REN: variants seen among roughly 807,000 people sequenced by gnomAD.
REN encodes renin.
Under a neutral mutation model 48.6 loss-of-function variants are expected in REN, and 42 were observed. The observed-to-expected ratio is 0.86, with a 90% CI of 0.68 to 1.12. The LOEUF (loss-of-function observed/expected upper bound fraction) is 1.12. Among genes scored for constraint, REN ranks in the 50% most tolerant of loss-of-function variants. The pLI is 0.00. For missense variants in REN, 443 were observed against 527.3 expected (o/e 0.84, Z 1.57); for synonymous variants, 196 against 204.6 (o/e 0.96, Z 0.36).
At position 204,162,058 on chromosome 1, in the gene REN, T is replaced by G. The variant is rs5705; in HGVS notation, c.204A>C (p.Thr68=). 0.13 allele frequency: 214,373 copies of G among 1,613,772 alleles called. 16,050 individuals are homozygous for G. The highest frequency in any genetic ancestry group is 0.32 in the African/African-American group (23,772 of 74,920). ...PEWSQPMKRL[T]LGNTTSSVIL... ...TCACGGAGGAGGTGGTGTTGCCAAG[T>G]GTCAGCCTCTTCATGGGTTGGCTCC... The change falls in exon 2 of 10, where the codon ACA becomes ACC. Residue 68 remains threonine, a synonymous_variant. Transcript: ENST00000272190.
chr1:204,164,565 CTTTTTTTT>C (rs748060874), intron 1 of REN, among the ~76,000 whole-genome samples: 2 of 93,714 alleles, frequency 2.1e-5, no homozygotes, highest in African/African-American at 4.5e-5. Context: ...CTTCTTCAGT[CTTTTTTTT>C]TTTTTTTTTT....
chr1:204,155,188 G>C lies in REN; in HGVS notation c.1060-11C>G, dbSNP rs765571622. 8.1e-6 allele frequency: 13 copies of C among 1,613,888 alleles called. No individual in the cohort carries two copies. In the African/African-American group the frequency reaches 1.1e-4, roughly 13 times the overall value. ...ACTACTGTAGGATTCCTGGCAGGAA[G>C]GGGGAGAGTTTCTCCATACCCAGCA... On this transcript the variant is annotated splice_polypyrimidine_tract_variant and intron_variant, in intron 9 of 9. Coordinates refer to ENST00000272190, the MANE Select transcript of REN (RefSeq NM_000537.4).
rs144517174 is a variant in REN, at chr1:204,155,901, G to A, written c.978C>T (p.Asn326=). The A allele has an allele frequency of 4.6e-5, 74 of 1,613,558 alleles. No homozygotes were observed. Among genetic ancestry groups the A allele is most frequent in the South Asian group, 6.6e-5 (6 of 91,050 alleles). The change falls in exon 9 of 10, where the codon AAC becomes AAT. Residue 326 remains asparagine, a synonymous_variant. Transcript: ENST00000272190. ...AGATGTCGGGGAGTGTAGGGCCCTC[G>A]TTACACTTCACGACATACTGGGGTG... ...KRLFDYVVKC[N]EGPTLPDISF...
chr1:204,156,632 A>G lies in REN; in HGVS notation c.818+45T>C. ...TTCCCCACCCTCCCCAACCCCAGTG[A>G]CGGCAGCATTTTTTGGAGCCCGGGG... On this transcript the variant is annotated intron_variant, in intron 7 of 9. Coordinates refer to ENST00000272190, the MANE Select transcript of REN (RefSeq NM_000537.4). This position sits in a 1 kb window ranked among gnomAD's most constrained non-coding sequence, Gnocchi z 4.2. 7.0e-7 allele frequency: 1 copy of G among 1,418,646 alleles called. No homozygotes were observed. Among genetic ancestry groups the G allele is most frequent in the Non-Finnish European group, 9.8e-7 (1 of 1,019,858 alleles). The allele number at this position is 1,418,646 out of a possible 1,614,324, so 87.9% of individuals were successfully genotyped here. A position where few individuals can be genotyped will look rare whatever the true frequency, so the allele number is the denominator to read the frequency against.
chr1:204,157,184 G>T (rs537372631), intron 6 of REN, among the ~76,000 whole-genome samples, 177 bp downstream of exon 6: 2 of 152,290 alleles, frequency 1.3e-5, no homozygotes, highest in East Asian at 3.9e-4. Context: ...GGAGGCTATT[G>T]GGTATGGGGT....
intron 1 of REN, 94 bp from the exon 2 acceptor site, chr1:204,162,257 C>A: frequency 7.2e-7 from 1 of 1,397,238 alleles, no homozygotes; most frequent in Non-Finnish European, 1.0e-6. Flanking sequence ...TTTAGTACAA[C>A]CACCTTTAAC....
chr1:204,161,820 C>T (rs530174836), intron 2 of REN, among the ~76,000 whole-genome samples, 193 bp downstream of exon 2: 76 of 152,218 alleles, frequency 5.0e-4, no homozygotes, highest in African/African-American at 1.8e-3. Flanking sequence ...CCCTGAATGG[C>T]CCCTGGATGC....
rs146962219 is a variant in REN at position 204,155,733 on chromosome 1, A to G, written c.1059+87T>C. 371 of 1,038,816 alleles carry G rather than the reference A, an allele frequency of 3.6e-4. 1 individual carries two copies. The African/African-American group carries it at 4.1e-3, about 11-fold the overall frequency. The allele number at this position is 1,038,816 out of a possible 1,614,324, so 64.3% of individuals were successfully genotyped here. ...CAAGTTTGAGAACTACAGTTCTAAC[A>G]TGACCTGTGCATTGTAATCTGTCAC... is the stretch of plus-strand genomic sequence containing the variant. On this transcript the variant is annotated intron_variant, in intron 9 of 9. Transcript: ENST00000272190.
rs766593677 is a variant in REN at position 204,156,361 on chromosome 1, CAG to C, written c.819-44_819-43del. On this transcript the variant is annotated intron_variant, in intron 7 of 9. Transcript: ENST00000272190. This position sits in a 1 kb window ranked among gnomAD's most constrained non-coding sequence, Gnocchi z 4.2. The stretch of plus-strand genomic sequence containing the variant: ...TCAGACAGACAGACAGACAGACAGA[CAG>C]AAGGCTGATGGGGCACCTCCAGGCT... The C allele has an allele frequency of 2.5e-6, 4 of 1,594,126 alleles. No individual in the cohort carries two copies. Among genetic ancestry groups the C allele is most frequent in the Non-Finnish European group, 2.6e-6 (3 of 1,169,604 alleles).
chr1:204,166,168 C>A (rs1186324570), intron 1 of REN, 28 bp downstream of exon 1: 1 of 1,596,534 alleles, frequency 6.3e-7, no homozygotes, highest in Non-Finnish European at 8.6e-7. Context: ...ACCCCTCCCA[C>A]CCCTTCTCTG....
rs117438983 is a variant in REN at position 204,160,961 on chromosome 1, A to T, written c.374-283T>A. Among the ~76,000 whole-genome samples, 26 of 152,338 alleles carry T rather than the reference A, an allele frequency of 1.7e-4. No homozygotes were observed. The East Asian group carries it at 4.8e-3, about 28-fold the overall frequency. ...GCCAGGCACAGAGTAAGTGCCTAGT[A>T]AGAGGTTGTTGATTAAGACTAGGGA... On this transcript the variant is annotated intron_variant, in intron 3 of 9. Coordinates refer to ENST00000272190, the MANE Select transcript of REN (RefSeq NM_000537.4).
At chr1:204,160,032 T>A (rs958335481) in intron 4 of REN, among the ~76,000 whole-genome samples, 12 of 152,176 alleles carry the variant, frequency 7.9e-5, no homozygotes, top group African/African-American at 2.9e-4. Context: ...TCACCCTGAT[T>A]TCCTCTCAGG....
In REN at chr1:204,156,040, G is replaced by A; in HGVS notation, c.961-122C>T. ...GCTGGGGACAGTGCCCCGCCCCATG[G>A]GTGACCAGCCACATGTGTGGAGAGT... On this transcript the variant is annotated intron_variant, in intron 8 of 9. Coordinates refer to ENST00000272190, the MANE Select transcript of REN (RefSeq NM_000537.4). The surrounding 1 kb of genome is among the most constrained non-coding windows in gnomAD (Gnocchi z 4.2). 6.8e-7 allele frequency: 1 copy of A among 1,467,978 alleles called. No homozygotes were observed. Among genetic ancestry groups the A allele is most frequent in the Non-Finnish European group, 9.5e-7 (1 of 1,050,380 alleles). 90.9% of individuals were successfully genotyped at this position (1,467,978 alleles called of 1,614,324 possible). A position where few individuals can be genotyped will look rare whatever the true frequency, so the allele number is the denominator to read the frequency against.
rs559660248 is a variant in REN, at chr1:204,162,561, G to A, written c.99-398C>T. ...CTGCCTTTAAGGAACTCCACCTGGC[G>A]GGAGGACAGACAGGAAACAGGCACA... On this transcript the variant is annotated intron_variant, in intron 1 of 9. Transcript: ENST00000272190. 2.0e-5 allele frequency among the ~76,000 whole-genome samples: 3 copies of A among 152,332 alleles called. No individual in the cohort carries two copies. In the South Asian group the frequency reaches 6.2e-4, roughly 32 times the overall value.
At chr1:204,158,040 A>G (rs934516847) in intron 5 of REN, among the ~76,000 whole-genome samples, 6 of 151,676 alleles carry the variant, frequency 4.0e-5, no homozygotes, top group African/African-American at 1.5e-4. Flanking sequence ...TACAGGCATC[A>G]CTCGAGCATC....
chr1:204,165,133 G>A (rs2177695), intron 1 of REN, among the ~76,000 whole-genome samples: 30,162 of 151,926 alleles, frequency 0.2, 4,019 homozygotes, highest in African/African-American at 0.38. Flanking sequence ...CACCACGCCC[G>A]GCTAATTTTG....
rs1020539333 is a variant in REN at position 204,156,023 on chromosome 1, C to A, written c.961-105G>T. On this transcript the variant is annotated intron_variant, in intron 8 of 9. Coordinates refer to ENST00000272190, the MANE Select transcript of REN (RefSeq NM_000537.4). The surrounding 1 kb of genome is among the most constrained non-coding windows in gnomAD (Gnocchi z 4.2). The stretch of plus-strand genomic sequence containing the variant: ...TCTCTCTGCTGGAGAGGGCTGGGGA[C>A]AGTGCCCCGCCCCATGGGTGACCAG... The A allele has an allele frequency of 2.2e-5, 31 of 1,434,502 alleles. No individual in the cohort carries two copies. The highest frequency in any genetic ancestry group is 1.1e-4 in the East Asian group (5 of 43,918). 88.9% of individuals were successfully genotyped at this position (1,434,502 alleles called of 1,614,324 possible).
Position 204,156,311 on chromosome 1 carries a change from A to G in REN, c.827T>C (p.Val276Ala). 1 of 1,604,930 alleles carries G rather than the reference A, an allele frequency of 6.2e-7. No individual in the cohort carries two copies. Among genetic ancestry groups the G allele is most frequent in the Non-Finnish European group, 8.5e-7 (1 of 1,174,300 alleles). ...TTCACAGAGCAAGGTGGATGACCCC[A>G]CAGACACCCTGGGGGAGGCCACAGT... The part of the protein sequence containing the change: ...VWQIQMKGVS[V>A]GSSTLLCEDG... Residue 276 changes from valine (V) to alanine (A), a missense_variant, in exon 8 of 10, where the codon GTG becomes GCG. Val to Ala is a moderately conservative substitution (Grantham distance 64). Transcript: ENST00000272190. This position sits in a 1 kb window ranked among gnomAD's most constrained non-coding sequence, Gnocchi z 4.2.
intron 1 of REN, 76 bp downstream of exon 1, chr1:204,166,120 G>A (rs1415203768): frequency 1.6e-6 from 2 of 1,221,690 alleles, no homozygotes; most frequent in African/African-American, 3.0e-5. Flanking sequence ...GACACCGCAT[G>A]TGGAAAAGCC....
Sources: gnomAD v4.1 joint callset for allele counts (sites outside exome capture counted in the v4.1 genomes callset) on GRCh38, gnomAD v4.1.1 for gene constraint, Gnocchi (gnomAD v3.1) non-coding constraint, MANE v1.5 for transcripts, NCBI Gene and HGNC (gene_info 2026-07-23, HGNC 2026-07-21) for gene names.